Variants in TRAPPC9 observed in about 807,000 individuals in gnomAD.
TRAPPC9 encodes the protein IKK2 binding protein.
Under a neutral mutation model 124.0 loss-of-function variants are expected in TRAPPC9, and 83 were observed. The ratio of observed to expected loss-of-function variants is 0.67; its 90% CI spans 0.56 to 0.80. The LOEUF (loss-of-function observed/expected upper bound fraction) is 0.80. Ranked by LOEUF, TRAPPC9 falls within the 30% of genes least tolerant of loss-of-function variation. The pLI is 0.00. For synonymous variants in TRAPPC9, 638 were observed against 617.5 expected (o/e 1.03, Z -0.49); for missense variants, 1,302 against 1,508.3 (o/e 0.86, Z 2.27).
At chr8:139,922,270 G>T (rs1336912741) in intron 19 of TRAPPC9, among the ~76,000 whole-genome samples, 1 of 151,576 alleles carries the variant, frequency 6.6e-6, no homozygotes. Context: ...CCTGCCCCCT[G>T]CCTCGCAGGT....
At chr8:139,917,162 A>ATTTTTTTTTTTTTTT (rs1832191450) in intron 19 of TRAPPC9, among the ~76,000 whole-genome samples, 1 of 70,922 alleles carries the variant, frequency 1.4e-5, no homozygotes, top group Non-Finnish European at 2.7e-5. Context: ...CTTCATTATT[A>ATTTTTTTTTTTTTTT]TTTTCTTTTT....
chr8:139,743,371 T>C (rs1051024192), intron 21 of TRAPPC9, among the ~76,000 whole-genome samples: 2 of 152,192 alleles, frequency 1.3e-5, no homozygotes, highest in Non-Finnish European at 2.9e-5. Context: ...CAGTTGCAAA[T>C]ATCTAATTTG....
At chr8:140,027,659 A>G (rs1840235200) in intron 17 of TRAPPC9, among the ~76,000 whole-genome samples, 1 of 152,236 alleles carries the variant, frequency 6.6e-6, no homozygotes, top group African/African-American at 2.4e-5. Flanking sequence ...GTATTACTCC[A>G]TTCTCACACT....
intron 14 of TRAPPC9, among the ~76,000 whole-genome samples, chr8:140,279,162 G>A (rs1749297906): frequency 6.6e-6 from 1 of 152,142 alleles, no homozygotes; most frequent in Non-Finnish European, 1.5e-5. Flanking sequence ...CCAAAGACAG[G>A]GTCAACCTCT....
chr8:140,127,622 T>A (rs976873542), intron 17 of TRAPPC9, among the ~76,000 whole-genome samples: 2 of 152,240 alleles, frequency 1.3e-5, no homozygotes, highest in Admixed American at 6.5e-5. Context: ...CAGGGTTTTT[T>A]ATAAACCACA....
intron 18 of TRAPPC9, among the ~76,000 whole-genome samples, chr8:139,993,756 A>G (rs1837789595): frequency 6.6e-6 from 1 of 152,188 alleles, no homozygotes; most frequent in Non-Finnish European, 1.5e-5. Context: ...TCTCATATTA[A>G]AACTGCTGGG....
At chr8:140,323,548 A>T (rs1175180132) in intron 9 of TRAPPC9, among the ~76,000 whole-genome samples, 1 of 152,140 alleles carries the variant, frequency 6.6e-6, no homozygotes, top group Non-Finnish European at 1.5e-5. Flanking sequence ...AAATTAGAGG[A>T]CACCCAGCTG....
At chr8:139,838,642 G>A (rs891141441) in intron 21 of TRAPPC9, among the ~76,000 whole-genome samples, 1 of 151,874 alleles carries the variant, frequency 6.6e-6, no homozygotes, top group African/African-American at 2.4e-5. Context: ...TCTCCAGGAA[G>A]AGGCTGCTGC....
intron 14 of TRAPPC9, among the ~76,000 whole-genome samples, chr8:140,282,946 G>T (rs993713779): frequency 6.6e-6 from 1 of 152,032 alleles, no homozygotes; most frequent in Non-Finnish European, 1.5e-5. Context: ...TTTCTTACAG[G>T]ATAAGAGTTG....
At chr8:139,972,075 C>A (rs1484996416) in intron 19 of TRAPPC9, among the ~76,000 whole-genome samples, 1 of 151,964 alleles carries the variant, frequency 6.6e-6, no homozygotes, top group Non-Finnish European at 1.5e-5. Flanking sequence ...ATCCACCTGC[C>A]TTGGCTTCCT....
At chr8:140,251,232 G>A (rs764412476) in intron 16 of TRAPPC9, among the ~76,000 whole-genome samples, 1 of 152,224 alleles carries the variant, frequency 6.6e-6, no homozygotes, top group Non-Finnish European at 1.5e-5. Context: ...AGTCCCAAGT[G>A]TTCCAGGGGC....
intron 21 of TRAPPC9, among the ~76,000 whole-genome samples, chr8:139,831,622 C>T (rs1810820142): frequency 6.6e-6 from 1 of 152,180 alleles, no homozygotes; most frequent in South Asian, 2.1e-4. Context: ...CCTGTGGGAA[C>T]ACCCCCACCG....
intron 21 of TRAPPC9, among the ~76,000 whole-genome samples, chr8:139,824,408 G>T (rs947603162): frequency 6.6e-6 from 1 of 152,314 alleles, no homozygotes; most frequent in South Asian, 2.1e-4. Flanking sequence ...CCTTGGAGCT[G>T]CCAGGGCCAC....
chr8:140,446,425 A>G (rs1249972904), intron 2 of TRAPPC9, among the ~76,000 whole-genome samples: 2 of 152,182 alleles, frequency 1.3e-5, no homozygotes, highest in African/African-American at 4.8e-5. Flanking sequence ...AGAAGCAAAA[A>G]GGAAAGTGGT....
intron 17 of TRAPPC9, among the ~76,000 whole-genome samples, chr8:140,162,070 G>A (rs933720795): frequency 6.6e-6 from 1 of 152,184 alleles, no homozygotes; most frequent in African/African-American, 2.4e-5. Flanking sequence ...CCTGAGCTGT[G>A]ACGCTATCTG....
intron 17 of TRAPPC9, among the ~76,000 whole-genome samples, chr8:140,183,714 G>A (rs1234752073): frequency 6.6e-6 from 1 of 151,724 alleles, no homozygotes; most frequent in East Asian, 1.9e-4. Context: ...AATTAGCTGG[G>A]CATGGTGGTG....
At chr8:140,271,839 G>A (rs1405709367) in intron 15 of TRAPPC9, among the ~76,000 whole-genome samples, 1 of 152,200 alleles carries the variant, frequency 6.6e-6, no homozygotes, top group Non-Finnish European at 1.5e-5. Flanking sequence ...GACATCTGAT[G>A]CACAAAACTT....
At chr8:139,863,699 A>C (rs922066821) in intron 21 of TRAPPC9, among the ~76,000 whole-genome samples, 9 of 152,250 alleles carry the variant, frequency 5.9e-5, no homozygotes, top group Non-Finnish European at 1.0e-4. Flanking sequence ...CCTCTGAGAA[A>C]GGCTGAGATG....
intron 16 of TRAPPC9, among the ~76,000 whole-genome samples, chr8:140,227,117 G>A (rs531791171): frequency 1.3e-5 from 2 of 152,260 alleles, no homozygotes; most frequent in East Asian, 3.9e-4. Flanking sequence ...TGAGCCCTTC[G>A]CCCATACAGG....
Sources: gnomAD v4.1 joint callset for allele counts (sites outside exome capture counted in the v4.1 genomes callset) on GRCh38, gnomAD v4.1.1 for gene constraint, MANE v1.5 for transcripts, NCBI Gene and HGNC (gene_info 2026-07-23, HGNC 2026-07-21) for gene names.